The following TRIM9 variants were observed in gnomAD, a reference collection of about 807,000 sequenced individuals.
TRIM9 encodes tripartite motif containing 9.
TRIM9 carries 26 observed loss-of-function variants against 78.3 expected under a neutral mutation model. The observed-to-expected ratio is 0.33, with a 90% CI of 0.24 to 0.46. The LOEUF (loss-of-function observed/expected upper bound fraction) is 0.46, where lower values mean the gene tolerates loss of function less well. TRIM9 is among the 20% of genes least tolerant of loss of function. The pLI is 1.00. For missense variants in TRIM9, 787 were observed against 1,036.4 expected (o/e 0.76, Z 3.30); for synonymous variants, 398 against 416.5 (o/e 0.96, Z 0.54).
At chr14:51,077,147 G>T (rs1009802466) in intron 1 of TRIM9, among the ~76,000 whole-genome samples, 1 of 152,126 alleles carries the variant, frequency 6.6e-6, no homozygotes, top group Non-Finnish European at 1.5e-5. Context: ...CCTAACTTAT[G>T]TACAGTGTCA....
In TRIM9 at chr14:50,997,907, GA is replaced by G. The variant is rs1003961041; in HGVS notation, c.1603+142del. 3.4e-6 allele frequency: 5 copies of G among 1,477,708 alleles called. No homozygotes were observed. The Admixed American group carries it at 6.9e-5, about 20-fold the overall frequency. 91.5% of individuals were successfully genotyped at this position (1,477,708 alleles called of 1,614,324 possible). On this transcript the variant is annotated intron_variant, in intron 7 of 12. Coordinates refer to ENST00000684578, the MANE Select transcript of TRIM9 (RefSeq NM_001387360.1). ...CATAGGCTCTCTAAAGGCAGGAGAG[GA>G]ACAGCGGCTCTGTGCAGAATGCAGA...
chr14:51,092,856 G>A (rs2089639397), intron 1 of TRIM9, among the ~76,000 whole-genome samples: 2 of 152,082 alleles, frequency 1.3e-5, no homozygotes, highest in South Asian at 2.1e-4. Context: ...TACTACTGAG[G>A]AAAATAAAGC....
intron 1 of TRIM9, among the ~76,000 whole-genome samples, chr14:51,087,676 T>C (rs1332907052): frequency 6.6e-6 from 1 of 152,226 alleles, no homozygotes; most frequent in Non-Finnish European, 1.5e-5. Flanking sequence ...AAAATGTCAA[T>C]ATAAAAATAT....
At position 51,094,579 on chromosome 14, in the gene TRIM9, G is replaced by T. The variant is rs1204152780; in HGVS notation, c.361C>A (p.Pro121Thr). ...GGGCAGGTGATACAGGAGTTGCGGG[G>T]CACCGGGGCCAGGGCCGGTGACAAG... Reference protein sequence around the residue: ...THLSPALAPVPRNSCITCPQC... With the variant: ...THLSPALAPVTRNSCITCPQC... Residue 121 changes from proline (P) to threonine (T), a missense_variant, in exon 1 of 13, where the codon CCC becomes ACC. Coordinates refer to ENST00000684578, the MANE Select transcript of TRIM9 (RefSeq NM_001387360.1). 6.2e-7 allele frequency: 1 copy of T among 1,612,138 alleles called. No individual in the cohort carries two copies. The highest frequency in any genetic ancestry group is 1.7e-5 in the Admixed American group (1 of 59,932).
rs1416254224 is a variant in TRIM9 at position 51,073,960 on chromosome 14, A to C, written c.822+20158T>G. Among the ~76,000 whole-genome samples, 3 of 152,162 alleles carry C rather than the reference A, an allele frequency of 2.0e-5. No homozygotes were observed. In the East Asian group the frequency reaches 5.8e-4, roughly 29 times the overall value. On this transcript the variant is annotated intron_variant, in intron 1 of 12. Transcript: ENST00000684578. ...TGGCTTGTACTGACTTCCAAACATC[A>C]AGGTCAGCAACCTCAGGTAGGTAGC...
intron 3 of TRIM9, among the ~76,000 whole-genome samples, chr14:51,018,361 C>A (rs922494377): frequency 6.6e-6 from 1 of 151,646 alleles, no homozygotes; most frequent in African/African-American, 2.4e-5. Context: ...CTTCCTCCCT[C>A]CCCCCTTTCT....
In TRIM9 at chr14:51,094,736, C is replaced by T. The variant is rs1259397908; in HGVS notation, c.204G>A (p.Met68Ile). ...SDYDYLDLDKMSLYSEADSGY... is the reference protein window; with the variant it reads ...SDYDYLDLDKISLYSEADSGY... ...CGCTGTCCGCCTCGCTGTATAGGCT[C>T]ATCTTGTCCAGGTCCAGATAGTCAT... is the stretch of plus-strand genomic sequence containing the variant. Residue 68 changes from methionine to isoleucine, a missense_variant, in exon 1 of 13, where the codon ATG becomes ATA. Met to Ile is a conservative substitution (Grantham distance 10, BLOSUM62 1). Transcript: ENST00000684578. 4 of 1,543,126 alleles carry T rather than the reference C, an allele frequency of 2.6e-6. No homozygotes were observed. Among genetic ancestry groups the T allele is most frequent in the Admixed American group, 2.0e-5 (1 of 49,748 alleles).
At chr14:51,007,861 A>G (rs2056038262) in intron 5 of TRIM9, among the ~76,000 whole-genome samples, 2 of 151,924 alleles carry the variant, frequency 1.3e-5, no homozygotes, top group Admixed American at 6.6e-5. Context: ...AGGCTGAGAG[A>G]TGTACACATA....
At chr14:51,003,706 C>A (rs17723941) in intron 5 of TRIM9, among the ~76,000 whole-genome samples, 3 of 127,224 alleles carry the variant, frequency 2.4e-5, no homozygotes, top group Admixed American at 8.2e-5. Flanking sequence ...CAGATTTAGA[C>A]AAATTAGCAA....
intron 1 of TRIM9, among the ~76,000 whole-genome samples, chr14:51,089,613 C>T (rs1210981127): frequency 6.6e-6 from 1 of 152,226 alleles, no homozygotes; most frequent in African/African-American, 2.4e-5. Flanking sequence ...GGAGCCTTAT[C>T]AGCTATTTCA....
chr14:51,053,159 CA>C (rs34525509), intron 1 of TRIM9, among the ~76,000 whole-genome samples: 29,695 of 133,376 alleles, frequency 0.22, 3,035 homozygotes, highest in Middle Eastern at 0.28. Flanking sequence ...GACCCTGTTT[CA>C]AAAAAAAAAA....
At chr14:50,982,197 C>A in intron 10 of TRIM9, 94 bp from the exon 11 acceptor site, 1 of 1,440,432 alleles carries the variant, frequency 6.9e-7, no homozygotes, top group South Asian at 1.3e-5. Context: ...CGTTGTGTAG[C>A]GTTTTCATGC....
intron 1 of TRIM9, among the ~76,000 whole-genome samples, chr14:51,067,536 A>G (rs766132190): frequency 2.0e-5 from 3 of 152,116 alleles, no homozygotes; most frequent in Non-Finnish European, 2.9e-5. Flanking sequence ...ACCCCCATCT[A>G]TCTCTCTGAC....
chr14:51,078,351 T>C (rs1016603987), intron 1 of TRIM9, among the ~76,000 whole-genome samples: 3 of 152,194 alleles, frequency 2.0e-5, no homozygotes, highest in African/African-American at 7.2e-5. Flanking sequence ...ACAAATTTTA[T>C]AGTAACCTTT....
chr14:51,043,474 C>G (rs2059717889), intron 1 of TRIM9, among the ~76,000 whole-genome samples: 1 of 152,132 alleles, frequency 6.6e-6, no homozygotes, highest in Admixed American at 6.5e-5. Context: ...GCCTGTTGGC[C>G]CCATAAACAC....
chr14:50,997,482 T>A (rs2054370311), intron 7 of TRIM9: 3 of 985,614 alleles, frequency 3.0e-6, no homozygotes, highest in African/African-American at 1.7e-5. Context: ...GCTGACGGCC[T>A]CCGCTTTGGG....
chr14:51,071,666 C>T (rs551269654), intron 1 of TRIM9, among the ~76,000 whole-genome samples: 4 of 152,034 alleles, frequency 2.6e-5, no homozygotes, highest in East Asian at 1.9e-4. Context: ...ATTAACCAGG[C>T]GTGGTGGTGT....
rs1341553468 is a variant in TRIM9 at position 51,009,220 on chromosome 14, AG to A, written c.1165del (p.Leu389SerfsTer2). 6.2e-7 allele frequency: 1 copy of A among 1,613,866 alleles called. No individual in the cohort carries two copies. The highest frequency in any genetic ancestry group is 8.5e-7 in the Non-Finnish European group (1 of 1,179,908). ...PSGFLQISDA[L>X]IRRVHLTEDQ... ...CTCAGTCAGGTGCACTCTTCTTATG[AG>A]GGCGTCAGAAATCTAATCAGATAAA... is the stretch of plus-strand genomic sequence containing the variant. On this transcript the variant is annotated frameshift_variant, in exon 5 of 13. Transcript: ENST00000684578. LOFTEE classifies it high-confidence loss of function.
chr14:51,087,248 G>C (rs1163944575), intron 1 of TRIM9, among the ~76,000 whole-genome samples: 5 of 151,940 alleles, frequency 3.3e-5, no homozygotes, highest in Non-Finnish European at 5.9e-5. Flanking sequence ...AAAGTCAGAG[G>C]GTGTCAAGGA....
Sources: allele counts gnomAD v4.1 joint callset (sites outside exome capture counted in the v4.1 genomes callset), GRCh38; gene constraint gnomAD v4.1.1; transcripts MANE v1.5; gene names NCBI Gene and HGNC (gene_info 2026-07-23, HGNC 2026-07-21).